CERS3: variants seen among roughly 807,000 people sequenced by gnomAD.
CERS3 encodes the protein LAG1 homolog, ceramide synthase 3.
A neutral mutation model predicts 50.3 loss-of-function variants in CERS3; 33 were observed. The ratio of observed to expected loss-of-function variants is 0.66; its 90% confidence interval spans 0.50 to 0.88. The LOEUF (loss-of-function observed/expected upper bound fraction) is 0.88, where lower values mean the gene tolerates loss of function less well. Ranked by LOEUF, CERS3 falls within the 40% of genes least tolerant of loss-of-function variation. The pLI, the probability that CERS3 is intolerant of heterozygous loss-of-function variation, is 0.00. For synonymous variants in CERS3, 176 were observed against 155.2 expected (o/e 1.13, Z -0.99); for missense variants, 470 against 460.3 (o/e 1.02, Z -0.19).
At chr15:100,440,100 A>G (rs1482606452) in intron 11 of CERS3, among the ~76,000 whole-genome samples, 2 of 152,216 alleles carry the variant, frequency 1.3e-5, no homozygotes. Context: ...CCATGGGGAC[A>G]GGAGCTTCTG....
At chr15:100,502,251 G>GAAAAAAAAAAAAAAAAAAAAA (rs58654483) in intron 2 of CERS3, among the ~76,000 whole-genome samples, 8 of 113,696 alleles carry the variant, frequency 7.0e-5, no homozygotes, top group Non-Finnish European at 1.2e-4. Context: ...CTCAAAAAAA[G>GAAAAAAAAAAAAAAAAAAAAA]AAAAAAAAAA....
chr15:100,479,290 G>A (rs2035228081), intron 7 of CERS3, 138 bp downstream of exon 7: 1 of 575,050 alleles, frequency 1.7e-6, no homozygotes, highest in East Asian at 2.9e-5. Flanking sequence ...ATAAGGATAA[G>A]GAAGCTCAAG....
intron 3 of CERS3, 92 bp from the exon 4 acceptor site, chr15:100,491,023 T>A: frequency 1.3e-6 from 1 of 764,962 alleles, no homozygotes; most frequent in Non-Finnish European, 2.2e-6. Flanking sequence ...AGGTTTCTAA[T>A]GAAATCAGTC....
chr15:100,444,664 AG>A (rs2033856365), intron 11 of CERS3, among the ~76,000 whole-genome samples: 1 of 151,960 alleles, frequency 6.6e-6, no homozygotes, highest in Non-Finnish European at 1.5e-5. Flanking sequence ...GGGATTATTC[AG>A]GCCCCCTCCC....
Position 100,402,800 on chromosome 15 carries a change from C to T in CERS3, c.1065G>A (p.Glu355=). The change falls in exon 12 of 12, where the codon GAG becomes GAA. Residue 355 remains glutamate (E), a synonymous_variant. Transcript: ENST00000679737. ...AATCCATCTCTTTGCCTTTGGTAGC[C>T]TCTTCTTCTTCCTCTTCCTCTTCCT... The part of the protein sequence containing the change: ...YEEEEEEEEE[E]ATKGKEMDCL... 1.2e-6 allele frequency: 2 copies of T among 1,614,104 alleles called. No individual in the cohort carries two copies. Among genetic ancestry groups the T allele is most frequent in the Non-Finnish European group, 1.7e-6 (2 of 1,179,990 alleles).
chr15:100,540,969 A>C (rs2142439209), intron 1 of CERS3, among the ~76,000 whole-genome samples: 1 of 152,286 alleles, frequency 6.6e-6, no homozygotes, highest in East Asian at 1.9e-4. Flanking sequence ...TTTACTATGC[A>C]CTTTCTATGA....
intron 3 of CERS3, chr15:100,500,548 A>T (rs1343007970): frequency 1.3e-5 from 2 of 152,242 alleles, no homozygotes; most frequent in Non-Finnish European, 1.5e-5. Flanking sequence ...AAATTCAAAG[A>T]TCACCGGATA....
At chr15:100,433,497 GTTAATGTCCAAATACA>G (rs2033237572) in intron 11 of CERS3, among the ~76,000 whole-genome samples, 1 of 152,148 alleles carries the variant, frequency 6.6e-6, no homozygotes, top group East Asian at 1.9e-4. Context: ...CCAGTAACAG[GTTAATGTCCAAATACA>G]GAGGCCCAGC....
chr15:100,460,034 T>C (rs1316897004), intron 10 of CERS3, among the ~76,000 whole-genome samples: 2 of 152,242 alleles, frequency 1.3e-5, no homozygotes, highest in Non-Finnish European at 2.9e-5. Context: ...TAAATTATGT[T>C]AATTAGCTTT....
chr15:100,478,070 A>G (rs1006994062), intron 7 of CERS3, among the ~76,000 whole-genome samples: 1 of 152,216 alleles, frequency 6.6e-6, no homozygotes, highest in Non-Finnish European at 1.5e-5. Flanking sequence ...GCAAGAGAGA[A>G]AACAGATCCA....
Position 100,450,915 on chromosome 15 carries a change from G to T in CERS3, c.999+4978C>A, listed in dbSNP as rs552406676. 2.6e-5 allele frequency among the ~76,000 whole-genome samples: 4 copies of T among 152,098 alleles called. No homozygotes were observed. In the East Asian group the frequency reaches 5.8e-4, roughly 22 times the overall value. Reference sequence around the variant, plus strand: ...GGCCATAGTCCTGAAAGTGGGGGAGGGGGGGAACCTGTTAGCCAAGAATTC... The same window carrying T: ...GGCCATAGTCCTGAAAGTGGGGGAGTGGGGGAACCTGTTAGCCAAGAATTC... On this transcript the variant is annotated intron_variant, in intron 11 of 11. Coordinates refer to ENST00000679737, the MANE Select transcript of CERS3 (RefSeq NM_001378789.1).
intron 5 of CERS3, among the ~76,000 whole-genome samples, chr15:100,480,905 C>G (rs2035279540): frequency 2.0e-5 from 3 of 152,046 alleles, no homozygotes; most frequent in Admixed American, 2.0e-4. Flanking sequence ...TTGAGTTGAT[C>G]AACTAAAGCT....
At chr15:100,440,626 GA>G (rs1244942872) in intron 11 of CERS3, among the ~76,000 whole-genome samples, 1 of 152,200 alleles carries the variant, frequency 6.6e-6, no homozygotes, top group Admixed American at 6.5e-5. Flanking sequence ...GCTGTGACTG[GA>G]GGGGGGGAAC....
At chr15:100,447,028 C>A (rs2033968672) in intron 11 of CERS3, among the ~76,000 whole-genome samples, 1 of 152,168 alleles carries the variant, frequency 6.6e-6, no homozygotes, top group Non-Finnish European at 1.5e-5. Flanking sequence ...AAAATATATT[C>A]CTTTGATATA....
intron 11 of CERS3, among the ~76,000 whole-genome samples, chr15:100,423,042 T>C (rs1035746435): frequency 3.3e-5 from 5 of 149,426 alleles, no homozygotes; most frequent in African/African-American, 1.2e-4. Context: ...CATATGTAAC[T>C]AACCTGCACA....
At chr15:100,501,652 A>G (rs2036001969) in intron 3 of CERS3, 25 bp downstream of exon 3, 3 of 1,578,436 alleles carry the variant, frequency 1.9e-6, no homozygotes, top group Non-Finnish European at 2.6e-6. Context: ...GGGGAATGGG[A>G]AGGAAAGACA....
chr15:100,487,084 A>G lies in CERS3; in HGVS notation c.289-2416T>C, dbSNP rs142171865. Among the ~76,000 whole-genome samples, 333 of 152,334 alleles carry G rather than the reference A, an allele frequency of 2.2e-3. 1 individual carries two copies. The highest frequency in any genetic ancestry group is 7.7e-3 in the African/African-American group (319 of 41,584). ...TTAAGAGAGAAAACTCCTTGCAAAC[A>G]AAAGTGTCTAAAAGTGTTTTCTTGA... On this transcript the variant is annotated intron_variant, in intron 4 of 11. Coordinates refer to ENST00000679737, the MANE Select transcript of CERS3 (RefSeq NM_001378789.1).
At chr15:100,511,637 G>T (rs2036346051) in intron 2 of CERS3, among the ~76,000 whole-genome samples, 1 of 22,160 alleles carries the variant, frequency 4.5e-5, no homozygotes, top group African/African-American at 8.9e-5. Context: ...TAAGTCCATT[G>T]GGAGCCTGGG....
chr15:100,425,058 G>T (rs1289681038), intron 11 of CERS3, among the ~76,000 whole-genome samples: 1 of 152,236 alleles, frequency 6.6e-6, no homozygotes, highest in African/African-American at 2.4e-5. Flanking sequence ...CAAGAGTGAG[G>T]CTTGGGAGCC....
Sources: gnomAD v4.1 joint callset for allele counts (sites outside exome capture counted in the v4.1 genomes callset) on GRCh38, gnomAD v4.1.1 for gene constraint, MANE v1.5 for transcripts, NCBI Gene and HGNC (gene_info 2026-07-23, HGNC 2026-07-21) for gene names.